Variants in HRG observed in about 807,000 individuals in gnomAD.
HRG encodes histidine rich glycoprotein.
Under a neutral mutation model 29.5 loss-of-function variants are expected in HRG, and 26 were observed. The ratio of observed to expected loss-of-function variants is 0.88; its 90% CI spans 0.65 to 1.22. The LOEUF (loss-of-function observed/expected upper bound fraction) is 1.22. HRG is among the 50% of genes most tolerant of loss of function. The probability of loss-of-function intolerance (pLI) is 0.00; values close to 1 mark genes in which losing one functional copy is unlikely to be tolerated. For synonymous variants in HRG, 243 were observed against 240.4 expected (o/e 1.01, Z -0.10); for missense variants, 671 against 654.5 (o/e 1.03, Z -0.28).
rs753801232 is a variant in HRG, at chr3:186,672,790, G to C, written c.562G>C (p.Gly188Arg). 2.6e-5 allele frequency: 41 copies of C among 1,605,182 alleles called. No homozygotes were observed. Among genetic ancestry groups the C allele is most frequent in the Non-Finnish European group, 3.3e-5 (39 of 1,172,054 alleles). ...DRIERVARVRGGEGTGYFVDF... is the reference protein window; with the variant it reads ...DRIERVARVRRGEGTGYFVDF... ...ATTTTGATCCCATCTGTTCTAGAGA[G>C]GAGGGGAAGGAACTGGTTACTTCGT... is the stretch of plus-strand genomic sequence containing the variant. The change falls in exon 5 of 7, where the codon GGA becomes CGA. Residue 188 changes from glycine to arginine, a missense_variant. Coordinates refer to ENST00000232003, the MANE Select transcript of HRG (RefSeq NM_000412.5).
In HRG at chr3:186,675,298, T is replaced by TGAGAGACAGAGAGA. The variant is rs1458279876; in HGVS notation, c.741+109_741+110insAGAGACAGAGAGAG. 8 of 585,124 alleles carry TGAGAGACAGAGAGA rather than the reference T, an allele frequency of 1.4e-5. No homozygotes were observed. The African/African-American group carries it at 1.8e-4, about 13-fold the overall frequency. The allele number at this position is 585,124 out of a possible 1,614,324, so 36.2% of individuals were successfully genotyped here. A position where few individuals can be genotyped will look rare whatever the true frequency, so the allele number is the denominator to read the frequency against. Reference sequence around the variant, plus strand: ...CTCTATGAGTGGGTGTGTGTGTGTGTGTGTGTGTGTGAGAGAGAGAGAGAG... The same window carrying TGAGAGACAGAGAGA: ...CTCTATGAGTGGGTGTGTGTGTGTGTGAGAGACAGAGAGAGTGTGTGTGTGAGAGAGAGAGAGAG... On this transcript the variant is annotated intron_variant, in intron 6 of 6. Coordinates refer to ENST00000232003, the MANE Select transcript of HRG (RefSeq NM_000412.5).
rs779532580 is a variant in HRG at position 186,675,110 on chromosome 3, G to T, written c.661G>T (p.Asp221Tyr). ...HPNVFGFCRA[D>Y]LFYDVEALDL... ...GTAGGTCTTTGGATTCTGCAGAGCA[G>T]ATTTGTTCTATGATGTAGAAGCCTT... The change falls in exon 6 of 7, where the codon GAT becomes TAT. Residue 221 changes from aspartate (D) to tyrosine (Y), a missense_variant. Physicochemically the swap from Asp to Tyr is radical, Grantham distance 160. Transcript: ENST00000232003. 1 of 1,613,534 alleles carries T rather than the reference G, an allele frequency of 6.2e-7. No individual in the cohort carries two copies. The highest frequency in any genetic ancestry group is 8.5e-7 in the Non-Finnish European group (1 of 1,179,468).
Position 186,672,848 on chromosome 3 carries a change from A to G in HRG, c.620A>G (p.His207Arg), listed in dbSNP as rs202136038. 6 of 1,609,528 alleles carry G rather than the reference A, an allele frequency of 3.7e-6. No homozygotes were observed. In the Admixed American group the frequency reaches 1.0e-4, roughly 27 times the overall value. The change falls in exon 5 of 7, where the codon CAT becomes CGT. Residue 207 changes from histidine to arginine, a missense_variant. Physicochemically the swap from His to Arg is conservative, Grantham distance 29 (BLOSUM62 0). Coordinates refer to ENST00000232003, the MANE Select transcript of HRG (RefSeq NM_000412.5). The stretch of plus-strand genomic sequence containing the variant: ...TCTGTGCGGAACTGCCCCAGACACC[A>G]TTTCCCCAGACACCCCAATGTGAGT... ...DFSVRNCPRH[H>R]FPRHPNVFGF...
rs1413735533 is a variant in HRG at position 186,677,438 on chromosome 3, G to C, written c.1133G>C (p.Arg378Thr). The change falls in exon 7 of 7, where the codon AGA becomes ACA. Residue 378 changes from arginine to threonine, a missense_variant. Coordinates refer to ENST00000232003, the MANE Select transcript of HRG (RefSeq NM_000412.5). ...AHHPHEHDTH[R>T]QHPHGHHPHG... is the part of the protein sequence containing the mutation. ...CATCCTCATGAACATGATACCCATA[G>C]ACAGCATCCCCATGGACACCACCCC... 6.3e-7 allele frequency: 1 copy of C among 1,596,612 alleles called. No homozygotes were observed. Among genetic ancestry groups the C allele is most frequent in the Non-Finnish European group, 8.5e-7 (1 of 1,171,580 alleles).
At position 186,672,789 on chromosome 3, in the gene HRG, A is replaced by G; in HGVS notation, c.561A>G (p.Arg187=). 2 of 1,603,548 alleles carry G rather than the reference A, an allele frequency of 1.2e-6. No homozygotes were observed. Among genetic ancestry groups the G allele is most frequent in the African/African-American group, 1.3e-5 (1 of 74,762 alleles). The change falls in exon 5 of 7, where the codon AGA becomes AGG. Residue 187 remains arginine, a splice_region_variant and synonymous_variant. Transcript: ENST00000232003. ...VDRIERVARV[R]GGEGTGYFVD... is the part of the protein sequence containing the mutation. Reference sequence around the variant, plus strand: ...TATTTTGATCCCATCTGTTCTAGAGAGGAGGGGAAGGAACTGGTTACTTCG... The same window carrying G: ...TATTTTGATCCCATCTGTTCTAGAGGGGAGGGGAAGGAACTGGTTACTTCG...
chr3:186,672,292 G>T (rs536025361), intron 4 of HRG, among the ~76,000 whole-genome samples: 2 of 152,202 alleles, frequency 1.3e-5, no homozygotes, highest in Non-Finnish European at 2.9e-5. Context: ...AATAGATTGT[G>T]TTGCATACAA....
intron 1 of HRG, among the ~76,000 whole-genome samples, chr3:186,668,378 A>G (rs898251583): frequency 2.0e-5 from 3 of 152,206 alleles, no homozygotes; most frequent in Admixed American, 2.0e-4. Context: ...CTGGTACTGG[A>G]TAGCAAAAGC....
Position 186,666,182 on chromosome 3 carries a change from C to T in HRG, c.151C>T (p.Leu51=). Residue 51 remains leucine (L), a synonymous_variant, in exon 1 of 7, where the codon CTG becomes TTG. Transcript: ENST00000232003. ...ACGGGATGGCTACCTTTTCCAATTGCTGCGGATTGCTGATGCCCACTTGGA... is the reference window on the plus strand; with the variant it reads ...ACGGGATGGCTACCTTTTCCAATTGTTGCGGATTGCTGATGCCCACTTGGA... ...RRRDGYLFQL[L]RIADAHLDRV... The T allele has an allele frequency of 6.2e-7, 1 of 1,614,020 alleles. No individual in the cohort carries two copies. Among genetic ancestry groups the T allele is most frequent in the Non-Finnish European group, 8.5e-7 (1 of 1,179,934 alleles).
chr3:186,673,427 A>C, intron 5 of HRG: 1 of 185,766 alleles, frequency 5.4e-6, no homozygotes, highest in Non-Finnish European at 1.1e-5. Flanking sequence ...TAACTTATTA[A>C]CCCTCACACT....
At chr3:186,668,670 G>T (rs7622283) in intron 1 of HRG, 443,656 of 446,490 alleles carry the variant, frequency 0.99, 220,487 homozygotes, top group East Asian at 1. Flanking sequence ...TGATGCCTCC[G>T]CTAAACCACC....
At chr3:186,673,184 A>C (rs528883219) in intron 5 of HRG, 1 of 382,662 alleles carries the variant, frequency 2.6e-6, no homozygotes, top group South Asian at 2.3e-5. Flanking sequence ...GCTCACTGCA[A>C]CCTCCGCCTC....
chr3:186,669,692 G>T, intron 2 of HRG: 1 of 524,928 alleles, frequency 1.9e-6, no homozygotes, highest in Admixed American at 3.2e-5. Flanking sequence ...GAAAATGTTT[G>T]GGGTATGGCC....
At position 186,677,763 on chromosome 3, in the gene HRG, A is replaced by G. The variant is rs761684924; in HGVS notation, c.1458A>G (p.Lys486=). 1.2e-6 allele frequency: 2 copies of G among 1,612,824 alleles called. No homozygotes were observed. Among genetic ancestry groups the G allele is most frequent in the South Asian group, 1.1e-5 (1 of 91,036 alleles). The stretch of plus-strand genomic sequence containing the variant: ...CCAGCTTCCCATTGCCGCACCACAA[A>G]CATCCTCTAAAGCCAGACAATCAGC... ...NFPSFPLPHH[K]HPLKPDNQPF... The change falls in exon 7 of 7, where the codon AAA becomes AAG. Residue 486 remains lysine (K), a synonymous_variant. Coordinates refer to ENST00000232003, the MANE Select transcript of HRG (RefSeq NM_000412.5).
At position 186,671,782 on chromosome 3, in the gene HRG, C is replaced by A; in HGVS notation, c.551C>A (p.Ala184Glu). The A allele has an allele frequency of 6.2e-7, 1 of 1,613,628 alleles. No homozygotes were observed. The change falls in exon 4 of 7, where the codon GCA (alanine) becomes GAA (glutamate). Residue 184 changes from alanine (A) to glutamate (E), a missense_variant. Transcript: ENST00000232003. ...SFRVDRIERV[A>E]RVRGGEGTGY... Reference sequence around the variant, plus strand: ...AGAGTGGACCGAATCGAGAGAGTTGCAAGAGTGGTGAGTCTCCACTAAGGT... The same window carrying A: ...AGAGTGGACCGAATCGAGAGAGTTGAAAGAGTGGTGAGTCTCCACTAAGGT...
At chr3:186,670,102 T>C in intron 3 of HRG, 74 bp downstream of exon 3, 1 of 816,616 alleles carries the variant, frequency 1.2e-6, no homozygotes, top group Non-Finnish European at 2.2e-6. Context: ...ATTTGTCTCA[T>C]CTATGTACAT....
Position 186,677,440 on chromosome 3 carries a change from C to T in HRG, c.1135C>T (p.Gln379Ter), listed in dbSNP as rs1473119715. The change falls in exon 7 of 7, where the codon CAG becomes TAG. Residue 379 changes from glutamine (Q) to a stop codon, truncating the protein, a stop_gained. Transcript: ENST00000232003. LOFTEE classifies it low-confidence loss of function (END_TRUNC). Reference protein sequence around the residue: ...HHPHEHDTHRQHPHGHHPHGH... With the variant: ...HHPHEHDTHR The stretch of plus-strand genomic sequence containing the variant: ...TCCTCATGAACATGATACCCATAGA[C>T]AGCATCCCCATGGACACCACCCCCA... 4 of 1,596,082 alleles carry T rather than the reference C, an allele frequency of 2.5e-6. No homozygotes were observed. Among genetic ancestry groups the T allele is most frequent in the Non-Finnish European group, 3.4e-6 (4 of 1,171,092 alleles).
In HRG at chr3:186,670,871, T is replaced by C. The variant is rs1458988698; in HGVS notation, c.392-752T>C. The stretch of plus-strand genomic sequence containing the variant: ...CTCCATACCCTTTTAATTTACATTT[T>C]CAAATAGAATTATCACAGGATTCCT... On this transcript the variant is annotated intron_variant, in intron 3 of 6. Coordinates refer to ENST00000232003, the MANE Select transcript of HRG (RefSeq NM_000412.5). Among the ~76,000 whole-genome samples the C allele has an allele frequency of 1.3e-5, 2 of 152,150 alleles. 1 individual carries two copies. Among genetic ancestry groups the C allele is most frequent in the Non-Finnish European group, 2.9e-5 (2 of 68,030 alleles).
Position 186,675,191 on chromosome 3 carries a change from G to A in HRG, c.741+1G>A, listed in dbSNP as rs571615991. 6 of 1,606,498 alleles carry A rather than the reference G, an allele frequency of 3.7e-6. 1 individual carries two copies. The South Asian group carries it at 5.5e-5, about 15-fold the overall frequency. ...AAACTGTGAAGTCTTCGACCCTCAGGTGGGTTGTCTAAGCAGACTTTGTCA... is the reference window on the plus strand; with the variant it reads ...AAACTGTGAAGTCTTCGACCCTCAGATGGGTTGTCTAAGCAGACTTTGTCA... On this transcript the variant is annotated splice_donor_variant, in intron 6 of 6. Coordinates refer to ENST00000232003, the MANE Select transcript of HRG (RefSeq NM_000412.5). LOFTEE classifies it high-confidence loss of function.
chr3:186,672,877 A>G lies in HRG; in HGVS notation c.639+10A>G, dbSNP rs752950785. 6 of 1,566,506 alleles carry G rather than the reference A, an allele frequency of 3.8e-6. No homozygotes were observed. Among genetic ancestry groups the G allele is most frequent in the Non-Finnish European group, 5.3e-6 (6 of 1,137,326 alleles). On this transcript the variant is annotated intron_variant, in intron 5 of 6. Coordinates refer to ENST00000232003, the MANE Select transcript of HRG (RefSeq NM_000412.5). The stretch of plus-strand genomic sequence containing the variant: ...CCCCAGACACCCCAATGTGAGTATA[A>G]GAAATGTCTGTGATCGTTGACTAGA...
Sources: gnomAD v4.1 joint callset for allele counts (sites outside exome capture counted in the v4.1 genomes callset) on GRCh38, gnomAD v4.1.1 for gene constraint, MANE v1.5 for transcripts, NCBI Gene and HGNC (gene_info 2026-07-23, HGNC 2026-07-21) for gene names.